Variants in CLDN16 observed in about 807,000 individuals in gnomAD.
CLDN16 encodes claudin 16, also known as claudin-16.
In CLDN16, 13 loss-of-function variants were observed where a neutral mutation model predicts 24.6. The observed-to-expected ratio is 0.53, with a 90% CI of 0.34 to 0.84. The LOEUF (loss-of-function observed/expected upper bound fraction) is 0.84, where lower values mean the gene tolerates loss of function less well. CLDN16 is among the 40% of genes least tolerant of loss of function. The pLI is 0.01. For synonymous variants in CLDN16, 116 were observed against 106.7 expected (o/e 1.09, Z -0.54); for missense variants, 298 against 292.7 (o/e 1.02, Z -0.13).
the CLDN16 span, among the ~76,000 whole-genome samples, chr3:190,300,015 A>G: frequency 6.6e-6 from 1 of 152,178 alleles, no homozygotes; most frequent in African/African-American, 2.4e-5. Context: ...AAATTCATCA[A>G]GGCATCTGTC....
upstream of CLDN16, chr3:190,388,004 A>T: frequency 1.0e-6 from 1 of 971,390 alleles, no homozygotes; most frequent in Non-Finnish European, 1.6e-6. Flanking sequence ...TCTGGTGACC[A>T]CCACTAGCCC....
chr3:190,328,582 G>C (rs944490441), intron 1 of CLDN16, among the ~76,000 whole-genome samples: 1 of 151,824 alleles, frequency 6.6e-6, no homozygotes. Flanking sequence ...CATTAGCAAG[G>C]AATAGAGTGT....
chr3:190,294,050 C>T, the CLDN16 span, among the ~76,000 whole-genome samples: 6 of 152,150 alleles, frequency 3.9e-5, no homozygotes, highest in Admixed American at 2.0e-4. Flanking sequence ...AAAGTCTTGA[C>T]AGAATGTCAG....
the CLDN16 span, among the ~76,000 whole-genome samples, chr3:190,302,374 A>G: frequency 6.6e-6 from 1 of 152,218 alleles, no homozygotes; most frequent in African/African-American, 2.4e-5. Flanking sequence ...TTCCTGGAAG[A>G]AAGGAATTTT....
intron 1 of CLDN16, among the ~76,000 whole-genome samples, chr3:190,355,123 T>G (rs996350921): frequency 7.2e-5 from 11 of 152,010 alleles, no homozygotes; most frequent in African/African-American, 2.7e-4. Context: ...TTCTTCAAAT[T>G]ACACTTACAC....
At chr3:190,319,710 C>T (rs936727216), upstream of CLDN16, among the ~76,000 whole-genome samples, 1 of 152,186 alleles carries the variant, frequency 6.6e-6, no homozygotes, top group Non-Finnish European at 1.5e-5. Flanking sequence ...TAATGAAATG[C>T]AGCTTTTTTC....
chr3:190,348,640 T>C (rs936159968), intron 1 of CLDN16, among the ~76,000 whole-genome samples: 3 of 152,134 alleles, frequency 2.0e-5, no homozygotes, highest in Admixed American at 6.5e-5. Context: ...TTTTATGAAA[T>C]TGTGTCAATA....
At chr3:190,338,371 C>A (rs3846100) in intron 1 of CLDN16, among the ~76,000 whole-genome samples, 4 of 152,012 alleles carry the variant, frequency 2.6e-5, no homozygotes, top group African/African-American at 9.7e-5. Context: ...TGTGTAGTGG[C>A]GTATTTTAGC....
At chr3:190,390,186 C>A (rs1718613545) in intron 1 of CLDN16, among the ~76,000 whole-genome samples, 1 of 152,178 alleles carries the variant, frequency 6.6e-6, no homozygotes, top group Non-Finnish European at 1.5e-5. Flanking sequence ...TCTTAGCTTC[C>A]TTCTTATTTC....
chr3:190,338,923 T>G (rs1420627899), intron 1 of CLDN16, among the ~76,000 whole-genome samples: 1 of 152,176 alleles, frequency 6.6e-6, no homozygotes, highest in Non-Finnish European at 1.5e-5. Flanking sequence ...GGCTGATAAC[T>G]GCTCAAGTTA....
the CLDN16 span, among the ~76,000 whole-genome samples, chr3:190,291,773 G>A: frequency 6.6e-6 from 1 of 152,172 alleles, no homozygotes; most frequent in African/African-American, 2.4e-5. Flanking sequence ...ACAGGCACTG[G>A]GTAAATACAC....
chr3:190,293,049 C>A, the CLDN16 span, among the ~76,000 whole-genome samples: 1 of 152,176 alleles, frequency 6.6e-6, no homozygotes, highest in Non-Finnish European at 1.5e-5. Flanking sequence ...TCTATTTTAA[C>A]ACTGCTATAA....
At chr3:190,398,489 G>T (rs1429727115) in intron 1 of CLDN16, among the ~76,000 whole-genome samples, 1 of 152,140 alleles carries the variant, frequency 6.6e-6, no homozygotes, top group Non-Finnish European at 1.5e-5. Context: ...CTCTTATAAT[G>T]AAATTTGTCA....
chr3:190,297,619 A>AATATAAT, the CLDN16 span, among the ~76,000 whole-genome samples: 9 of 112,160 alleles, frequency 8.0e-5, no homozygotes, highest in Non-Finnish European at 1.6e-4. Context: ...TAATATCTAT[A>AATATAAT]ATATAATATA....
At chr3:190,388,014 C>A, upstream of CLDN16, 1 of 1,083,632 alleles carries the variant, frequency 9.2e-7, no homozygotes, top group Non-Finnish European at 1.4e-6. Context: ...ACCACTAGCC[C>A]ACAGTTGGGT....
At chr3:190,322,572 C>T in exon 1 of CLDN16, 1 of 306,406 alleles carries the variant, frequency 3.3e-6, no homozygotes. Context: ...GGTTGGGGAA[C>T]GCGCGGCTGG....
At chr3:190,300,160 G>T in the CLDN16 span, among the ~76,000 whole-genome samples, 1 of 152,162 alleles carries the variant, frequency 6.6e-6, no homozygotes, top group Admixed American at 6.5e-5. Context: ...GAGTTGAGGG[G>T]TCGTGGGGGC....
intron 1 of CLDN16, among the ~76,000 whole-genome samples, chr3:190,334,956 G>T (rs1319562126): frequency 6.6e-6 from 1 of 151,194 alleles, no homozygotes; most frequent in Non-Finnish European, 1.5e-5. Flanking sequence ...TGTGGGTTCA[G>T]TCTAAAGATG....
chr3:190,351,335 T>G (rs959470092), intron 1 of CLDN16, among the ~76,000 whole-genome samples: 1 of 143,080 alleles, frequency 7.0e-6, no homozygotes, highest in African/African-American at 3.0e-5. Context: ...AACAGACTGT[T>G]TTTTTTTCCC....
Sources: allele counts gnomAD v4.1 joint callset (sites outside exome capture counted in the v4.1 genomes callset), GRCh38; gene constraint gnomAD v4.1.1; transcripts MANE v1.5; gene names NCBI Gene and HGNC (gene_info 2026-07-23, HGNC 2026-07-21).